Variants in LHX9 observed in about 807,000 individuals in gnomAD.
LHX9 encodes LIM homeobox 9, also known as LIM/homeobox protein Lhx9.
In LHX9, 9 loss-of-function variants were observed where a neutral mutation model predicts 36.5. That is an observed-to-expected ratio of 0.25 (90% CI 0.15 to 0.43). The LOEUF is 0.43. Among genes scored for constraint, LHX9 ranks in the 20% least tolerant of loss-of-function variants. The pLI, the probability that LHX9 is intolerant of heterozygous loss-of-function variation, is 1.00. For synonymous variants in LHX9, 211 were observed against 212.1 expected (o/e 0.99, Z 0.04); for missense variants, 464 against 526.4 (o/e 0.88, Z 1.16).
intron 3 of LHX9, among the ~76,000 whole-genome samples, chr1:197,923,027 G>A (rs1010201454): frequency 2.6e-5 from 4 of 152,206 alleles, no homozygotes; most frequent in African/African-American, 7.2e-5. Context: ...ATGAGTGGCC[G>A]CTCTCTCAGA....
upstream of LHX9, chr1:197,912,934 G>A (rs1571771590): frequency 3.5e-6 from 1 of 288,526 alleles, no homozygotes; most frequent in Non-Finnish European, 6.5e-6. Flanking sequence ...GATGGAAGGG[G>A]GGCCGAGAAG....
intron 3 of LHX9, among the ~76,000 whole-genome samples, chr1:197,926,199 G>A (rs1244380922): frequency 6.6e-6 from 1 of 152,202 alleles, no homozygotes; most frequent in Non-Finnish European, 1.5e-5. Flanking sequence ...ACAGAGCCTA[G>A]CAGGCAGATA....
In LHX9 at chr1:197,924,930, A is replaced by AC. The variant is rs1225148865; in HGVS notation, c.734-2661_734-2660insC. Among the ~76,000 whole-genome samples, 7 of 43,772 alleles carry AC rather than the reference A, an allele frequency of 1.6e-4. 2 individuals carry two copies. The highest frequency in any genetic ancestry group is 2.1e-4 in the Non-Finnish European group (5 of 23,976). 28.7% of individuals were successfully genotyped at this position (43,772 alleles called of 152,430 possible). ...TTCGGGGAGTGGGGGAATCCCCTAC[A>AC]GCTTTAGCAATAGGCCTTGGAGAAA... On this transcript the variant is annotated intron_variant, in intron 3 of 4. Transcript: ENST00000367387.
At chr1:197,917,148 G>T (rs963093909), upstream of LHX9, 21 of 663,078 alleles carry the variant, frequency 3.2e-5, no homozygotes, top group Non-Finnish European at 3.7e-5. Context: ...GTTTTGTGGG[G>T]AGGTAAATGC....
At chr1:197,913,102 G>A (rs1659665013), upstream of LHX9, 1 of 154,928 alleles carries the variant, frequency 6.5e-6, no homozygotes, top group African/African-American at 2.4e-5. Flanking sequence ...CTGAGGGCAG[G>A]CGGCGCAACA....
chr1:197,927,821 A>ATACATT (rs773763956), intron 4 of LHX9, 28 bp downstream of exon 4: 1 of 1,583,544 alleles, frequency 6.3e-7, no homozygotes, highest in African/African-American at 1.3e-5. Flanking sequence ...TTGACTGTGC[A>ATACATT]TACATTTCCC....
At chr1:197,922,700 T>C (rs1660029082) in intron 3 of LHX9, among the ~76,000 whole-genome samples, 1 of 152,220 alleles carries the variant, frequency 6.6e-6, no homozygotes, top group Non-Finnish European at 1.5e-5. Context: ...CTGGCCCACA[T>C]GTGGCTGAGA....
upstream of LHX9, chr1:197,917,189 C>T: frequency 1.0e-6 from 1 of 980,560 alleles, no homozygotes; most frequent in South Asian, 4.7e-5. Flanking sequence ...CTCTCTATCC[C>T]CCCACCCCTT....
Position 197,932,293 on chromosome 1 carries a change from C to T in LHX9, c.*3034C>T, listed in dbSNP as rs1660350377. Reference sequence around the variant, plus strand: ...AAAAAAATTTCACACATTTGTCAAGCACAGTTGTAAAATAAAGTCCAAAAC... The same window carrying T: ...AAAAAAATTTCACACATTTGTCAAGTACAGTTGTAAAATAAAGTCCAAAAC... On this transcript the variant is annotated 3_prime_UTR_variant, in exon 5 of 5. Coordinates refer to ENST00000367387, the MANE Select transcript of LHX9 (RefSeq NM_020204.3). The T allele has an allele frequency of 4.2e-6, 1 of 237,704 alleles. No homozygotes were observed. Among genetic ancestry groups the T allele is most frequent in the African/African-American group, 2.2e-5 (1 of 44,620 alleles). The allele number at this position is 237,704 out of a possible 1,614,324, so 14.7% of individuals were successfully genotyped here.
Position 197,929,322 on chromosome 1 carries a change from TATTA to T in LHX9, c.*64_*67del. ...TTCTTTTTATTATTATTCTAATTAT[TATTA>T]TTTTATTATTTACAAGACTTTTTTT... On this transcript the variant is annotated 3_prime_UTR_variant, in exon 5 of 5. Coordinates refer to ENST00000367387, the MANE Select transcript of LHX9 (RefSeq NM_020204.3). 1 of 1,168,554 alleles carries T rather than the reference TATTA, an allele frequency of 8.6e-7. No individual in the cohort carries two copies. 72.4% of individuals were successfully genotyped at this position (1,168,554 alleles called of 1,614,324 possible). A position where few individuals can be genotyped will look rare whatever the true frequency, so the allele number is the denominator to read the frequency against.
At chr1:197,920,278 G>T in intron 2 of LHX9, 104 bp downstream of exon 2, 5 of 1,129,810 alleles carry the variant, frequency 4.4e-6, no homozygotes, top group South Asian at 4.1e-5. Context: ...CCCCATTCCG[G>T]GTGCTGTTAT....
chr1:197,932,540 T>C lies in LHX9; in HGVS notation c.*3281T>C, dbSNP rs1480250986. 6.6e-6 allele frequency: 1 copy of C among 152,136 alleles called. No individual in the cohort carries two copies. The highest frequency in any genetic ancestry group is 1.5e-5 in the Non-Finnish European group (1 of 67,956). 9.4% of individuals were successfully genotyped at this position (152,136 alleles called of 1,614,324 possible). ...CTGTATGATGACTTATCTTTGCTGT[T>C]TCTTGTATGATAAATAGCTTTCATT... On this transcript the variant is annotated 3_prime_UTR_variant, in exon 5 of 5. Transcript: ENST00000367387.
chr1:197,924,164 C>T (rs999141350), intron 3 of LHX9, among the ~76,000 whole-genome samples: 17 of 152,158 alleles, frequency 1.1e-4, no homozygotes, highest in African/African-American at 2.2e-4. Context: ...ATTAAACACG[C>T]GTTAAAATGT....
intron 3 of LHX9, among the ~76,000 whole-genome samples, chr1:197,922,784 C>G (rs773689524): frequency 2.0e-5 from 3 of 152,202 alleles, no homozygotes; most frequent in Admixed American, 2.0e-4. Context: ...GGCAACCCCA[C>G]TCTATTACTA....
upstream of LHX9, chr1:197,917,111 T>G: frequency 5.2e-6 from 1 of 191,006 alleles, no homozygotes; most frequent in Non-Finnish European, 9.4e-6. Context: ...TGTGTGTGTG[T>G]GTGTGCGCGC....
At chr1:197,925,250 G>A (rs544789290) in intron 3 of LHX9, among the ~76,000 whole-genome samples, 1 of 152,280 alleles carries the variant, frequency 6.6e-6, no homozygotes, top group African/African-American at 2.4e-5. Context: ...CGTTTTAAGG[G>A]AAGCCATTTC....
upstream of LHX9, chr1:197,917,263 T>A: frequency 8.2e-7 from 1 of 1,218,754 alleles, no homozygotes; most frequent in Non-Finnish European, 1.0e-6. Flanking sequence ...GTCTTTGTTG[T>A]CTGAATAAAA....
intron 3 of LHX9, among the ~76,000 whole-genome samples, chr1:197,926,570 C>T (rs1660146457): frequency 6.6e-6 from 1 of 152,168 alleles, no homozygotes; most frequent in South Asian, 2.1e-4. Flanking sequence ...GGGATAATGA[C>T]TTTCTGGCTG....
rs144348823 is a variant in LHX9, at chr1:197,917,990, G to C, written c.167G>C (p.Arg56Pro). The change falls in exon 1 of 5, where the codon CGC becomes CCC. Residue 56 changes from arginine (R) to proline (P), a missense_variant. Physicochemically the swap from Arg to Pro is moderately radical, Grantham distance 103. This residue lies in a region of LHX9 where 119 missense variants were observed against 102.4 expected (regional missense o/e 1.16). Coordinates refer to ENST00000367387, the MANE Select transcript of LHX9 (RefSeq NM_020204.3). ...GCCAAAGGCGCCCAGCTCAACGGCC[G>C]CGACGCGGTAAGGAAGGGCTCCGCC... ...RLAKGAQLNG[R>P]DAGMPPLSPE... The C allele has an allele frequency of 3.1e-6, 5 of 1,612,794 alleles. No individual in the cohort carries two copies. The African/African-American group carries it at 5.3e-5, about 17-fold the overall frequency.
Sources: gnomAD v4.1 joint callset for allele counts (sites outside exome capture counted in the v4.1 genomes callset) on GRCh38, gnomAD v4.1.1 for gene constraint, gnomAD v4.1.1 regional missense constraint, MANE v1.5 for transcripts, NCBI Gene and HGNC (gene_info 2026-07-23, HGNC 2026-07-21) for gene names.